Variants in SAMD12 observed in about 807,000 individuals in gnomAD.
SAMD12 encodes sterile alpha motif domain containing 12.
SAMD12 carries 9 observed loss-of-function variants against 15.0 expected under a neutral mutation model. The observed-to-expected ratio is 0.60, with a 90% CI of 0.36 to 1.05. The LOEUF (loss-of-function observed/expected upper bound fraction) is 1.05. SAMD12 is among the 50% of genes least tolerant of loss of function. SAMD12 has a pLI of 0.01. For synonymous variants in SAMD12, 86 were observed against 90.1 expected (o/e 0.96, Z 0.25); for missense variants, 230 against 234.2 (o/e 0.98, Z 0.12).
At chr8:118,568,402 T>G (rs1043657541) in intron 2 of SAMD12, among the ~76,000 whole-genome samples, 2 of 152,162 alleles carry the variant, frequency 1.3e-5, no homozygotes, top group Non-Finnish European at 2.9e-5. Flanking sequence ...CAGGATCTGG[T>G]AGGGCACTAA....
At chr8:118,473,970 G>GT (rs1341313074) in intron 2 of SAMD12, among the ~76,000 whole-genome samples, 1 of 152,068 alleles carries the variant, frequency 6.6e-6, no homozygotes, top group African/African-American at 2.4e-5. Context: ...TTTGTTGTTT[G>GT]TTTTTTGAGA....
chr8:118,535,688 C>G (rs114040676), intron 2 of SAMD12, among the ~76,000 whole-genome samples: 1,997 of 152,342 alleles, frequency 0.013, 59 homozygotes, highest in African/African-American at 0.046. Flanking sequence ...CTTGCACTTC[C>G]ATCTCAGACT....
intron 3 of SAMD12, among the ~76,000 whole-genome samples, chr8:118,422,737 G>C (rs771602639): frequency 9.2e-5 from 14 of 152,184 alleles, no homozygotes; most frequent in African/African-American, 3.4e-4. Context: ...GAGACTAAAT[G>C]GTTCTGTCTG....
chr8:118,315,283 G>A (rs576828723), intron 4 of SAMD12, among the ~76,000 whole-genome samples: 15 of 152,208 alleles, frequency 9.9e-5, no homozygotes, highest in Middle Eastern at 3.4e-3. Flanking sequence ...TCCTGTGTTC[G>A]AGTTTTAAAA....
chr8:118,596,001 T>A (rs561668172), intron 1 of SAMD12, among the ~76,000 whole-genome samples: 1 of 152,342 alleles, frequency 6.6e-6, no homozygotes, highest in South Asian at 2.1e-4. Flanking sequence ...GTGGACAAGA[T>A]GTGAGCAGGG....
intron 2 of SAMD12, among the ~76,000 whole-genome samples, chr8:118,448,602 G>A (rs1363826278): frequency 1.3e-5 from 2 of 152,196 alleles, no homozygotes; most frequent in South Asian, 2.1e-4. Flanking sequence ...CCCAGGTTGG[G>A]ACTAAAACAG....
At chr8:118,342,502 T>C (rs1315570532) in intron 4 of SAMD12, among the ~76,000 whole-genome samples, 1 of 152,222 alleles carries the variant, frequency 6.6e-6, no homozygotes, top group East Asian at 1.9e-4. Flanking sequence ...CTTTTCCCAT[T>C]TCTATCTTGG....
the SAMD12 span, among the ~76,000 whole-genome samples, chr8:118,139,828 T>C: frequency 1.3e-5 from 2 of 152,182 alleles, no homozygotes; most frequent in East Asian, 3.9e-4. Context: ...TTCCGTTGGC[T>C]CTCATTCAAA....
intron 2 of SAMD12, among the ~76,000 whole-genome samples, chr8:118,527,682 T>C (rs1005699688): frequency 6.6e-6 from 1 of 152,190 alleles, no homozygotes; most frequent in African/African-American, 2.4e-5. Flanking sequence ...AATATTAGTT[T>C]CTGGGTTTGT....
At chr8:118,294,305 T>C (rs532735053) in intron 4 of SAMD12, among the ~76,000 whole-genome samples, 57 of 152,304 alleles carry the variant, frequency 3.7e-4, no homozygotes, top group Non-Finnish European at 6.9e-4. Context: ...ACATCCTGAC[T>C]TTCCCCTGAG....
At chr8:118,427,031 T>C (rs1822254861) in intron 3 of SAMD12, among the ~76,000 whole-genome samples, 1 of 152,234 alleles carries the variant, frequency 6.6e-6, no homozygotes. Context: ...TATTGTTCCT[T>C]TGTCAGCAGT....
intron 1 of SAMD12, among the ~76,000 whole-genome samples, chr8:118,612,543 A>G (rs1416725401): frequency 1.3e-5 from 2 of 152,208 alleles, no homozygotes; most frequent in Non-Finnish European, 2.9e-5. Flanking sequence ...GCATAGCCCC[A>G]TTAATCTAAC....
At chr8:118,430,505 G>C (rs1014863034) in intron 3 of SAMD12, among the ~76,000 whole-genome samples, 1 of 152,016 alleles carries the variant, frequency 6.6e-6, no homozygotes, top group African/African-American at 2.4e-5. Flanking sequence ...TGGGACTACA[G>C]GTGTATGCCA....
At chr8:118,348,988 CA>C (rs1817813538) in intron 4 of SAMD12, among the ~76,000 whole-genome samples, 1 of 152,196 alleles carries the variant, frequency 6.6e-6, no homozygotes, top group South Asian at 2.1e-4. Flanking sequence ...AGGCCAAGAA[CA>C]GAAGTGATCT....
At chr8:118,170,067 A>C in the SAMD12 span, among the ~76,000 whole-genome samples, 1 of 152,176 alleles carries the variant, frequency 6.6e-6, no homozygotes, top group Non-Finnish European at 1.5e-5. Flanking sequence ...GGCAATATCT[A>C]TAAATTATAT....
chr8:118,406,437 C>G (rs1030458336), intron 3 of SAMD12, among the ~76,000 whole-genome samples: 3 of 151,988 alleles, frequency 2.0e-5, no homozygotes, highest in Non-Finnish European at 4.4e-5. Context: ...CCACACCTGG[C>G]TAATTTTTGT....
intron 3 of SAMD12, chr8:118,400,626 T>C (rs566366137): frequency 6.6e-6 from 1 of 152,344 alleles, no homozygotes; most frequent in African/African-American, 2.4e-5. Flanking sequence ...AAGCTACATT[T>C]TTTTAACAAT....
chr8:118,556,615 G>A (rs1826538843), intron 2 of SAMD12, among the ~76,000 whole-genome samples: 2 of 152,296 alleles, frequency 1.3e-5, no homozygotes, highest in Non-Finnish European at 2.9e-5. Context: ...CTGATAGCCA[G>A]AGATAACAAA....
the SAMD12 span, among the ~76,000 whole-genome samples, chr8:118,147,091 C>T: frequency 6.6e-6 from 1 of 151,306 alleles, no homozygotes; most frequent in Non-Finnish European, 1.5e-5. Context: ...GTGGCATGAT[C>T]GTGGCTCACT....
Sources: gnomAD v4.1 joint callset for allele counts (sites outside exome capture counted in the v4.1 genomes callset) on GRCh38, gnomAD v4.1.1 for gene constraint, MANE v1.5 for transcripts, NCBI Gene and HGNC (gene_info 2026-07-23, HGNC 2026-07-21) for gene names.